MERTK: variants seen among roughly 807,000 people sequenced by gnomAD.
MERTK encodes MER proto-oncogene, tyrosine kinase.
MERTK carries 69 observed loss-of-function variants against 99.3 expected under a neutral mutation model. The observed-to-expected ratio is 0.70, with a 90% CI of 0.57 to 0.85. MERTK has a LOEUF of 0.85. MERTK is among the 40% of genes least tolerant of loss of function. The pLI is 0.00. For synonymous variants in MERTK, 426 were observed against 467.6 expected (o/e 0.91, Z 1.15); for missense variants, 1,125 against 1,249.4 (o/e 0.90, Z 1.50).
chr2:111,902,788 T>TCCTCCCTC (rs199908686), intron 1 of MERTK, among the ~76,000 whole-genome samples: 4 of 51,056 alleles, frequency 7.8e-5, no homozygotes, highest in African/African-American at 1.2e-4. Context: ...CTTCCTTCCT[T>TCCTCCCTC]CCTCCCTCCC....
chr2:111,912,064 G>A (rs1211523486), intron 1 of MERTK, among the ~76,000 whole-genome samples: 1 of 151,634 alleles, frequency 6.6e-6, no homozygotes, highest in South Asian at 2.1e-4. Flanking sequence ...GTGCAGTGGT[G>A]CGATCTCGGC....
At chr2:111,951,522 C>CATATATATAGATATATAT (rs1685054211) in intron 4 of MERTK, among the ~76,000 whole-genome samples, 1 of 85,870 alleles carries the variant, frequency 1.2e-5, no homozygotes, top group Non-Finnish European at 2.5e-5. Context: ...ATAATATTCC[C>CATATATATAGATATATAT]ATATATATAT....
chr2:111,941,727 G>T (rs948054775), intron 2 of MERTK, among the ~76,000 whole-genome samples: 1 of 151,882 alleles, frequency 6.6e-6, no homozygotes, highest in African/African-American at 2.4e-5. Context: ...GAAAATCTTT[G>T]CTGTAATATA....
intron 5 of MERTK, among the ~76,000 whole-genome samples, chr2:111,967,769 ACT>A (rs1248186810): frequency 6.6e-6 from 1 of 152,040 alleles, no homozygotes; most frequent in Non-Finnish European, 1.5e-5. Context: ...CAGGGCTATG[ACT>A]CTGTCTCTGT....
intron 3 of MERTK, among the ~76,000 whole-genome samples, 190 bp downstream of exon 3, chr2:111,945,250 A>C (rs552461794): frequency 2.6e-5 from 4 of 152,366 alleles, no homozygotes; most frequent in African/African-American, 9.6e-5. Flanking sequence ...TAATGAAATG[A>C]ATTCAATTCC....
Position 111,913,775 on chromosome 2 carries a change from C to A in MERTK, c.61+14979C>A, listed in dbSNP as rs112466769. ...TTTTGGCCAGGCTGGTGTTGAACTC[C>A]TGACTTCAGGTGATCCACCCACCTC... is the stretch of plus-strand genomic sequence containing the variant. On this transcript the variant is annotated intron_variant, in intron 1 of 18. Coordinates refer to ENST00000295408, the MANE Select transcript of MERTK (RefSeq NM_006343.3). 4.6e-5 allele frequency among the ~76,000 whole-genome samples: 7 copies of A among 152,294 alleles called. No individual in the cohort carries two copies. In the East Asian group the frequency reaches 1.4e-3, roughly 29 times the overall value.
At chr2:111,904,972 T>A (rs1390179689) in intron 1 of MERTK, among the ~76,000 whole-genome samples, 1 of 152,146 alleles carries the variant, frequency 6.6e-6, no homozygotes, top group Non-Finnish European at 1.5e-5. Flanking sequence ...TTAAACCAGT[T>A]CCCTCTCTTT....
chr2:111,963,632 A>C lies in MERTK; in HGVS notation c.758-1559A>C, dbSNP rs62162473. ...ATCTTGCACAGCCCTTAATCCATTT[A>C]ACCCTGAGTTGACACAGCACATGTT... is the stretch of plus-strand genomic sequence containing the variant. On this transcript the variant is annotated intron_variant, in intron 4 of 18. Transcript: ENST00000295408. Among the ~76,000 whole-genome samples the C allele has an allele frequency of 8.9e-3, 1,349 of 152,336 alleles. 9 individuals are homozygous for C. Among genetic ancestry groups the C allele is most frequent in the Non-Finnish European group, 0.015 (1,007 of 68,032 alleles).
chr2:111,908,322 T>C (rs1684177753), intron 1 of MERTK, among the ~76,000 whole-genome samples: 1 of 152,162 alleles, frequency 6.6e-6, no homozygotes, highest in South Asian at 2.1e-4. Context: ...AGCTACTCTT[T>C]ATACTCACAT....
At chr2:112,022,615 C>A (rs751468462) in intron 18 of MERTK, 7 of 785,254 alleles carry the variant, frequency 8.9e-6, no homozygotes, top group African/African-American at 3.4e-5. Context: ...GCTCACTCAT[C>A]CAAAGGGCCT....
intron 1 of MERTK, among the ~76,000 whole-genome samples, chr2:111,919,152 G>C (rs1274663253): frequency 2.0e-5 from 3 of 152,076 alleles, no homozygotes; most frequent in African/African-American, 7.2e-5. Context: ...CACCTCTCCT[G>C]CAGCCTCCTC....
intron 4 of MERTK, among the ~76,000 whole-genome samples, chr2:111,961,915 TTC>T (rs1685258953): frequency 6.6e-6 from 1 of 152,258 alleles, no homozygotes; most frequent in African/African-American, 2.4e-5. Context: ...GGAACAGCTT[TTC>T]TAGGCTGATG....
chr2:112,016,980 A>G (rs930261418), intron 15 of MERTK, among the ~76,000 whole-genome samples: 1 of 152,192 alleles, frequency 6.6e-6, no homozygotes, highest in Non-Finnish European at 1.5e-5. Context: ...GCTCTTAAAG[A>G]TGGCATGGAC....
intron 8 of MERTK, among the ~76,000 whole-genome samples, chr2:111,992,118 G>A (rs1676632731): frequency 6.6e-6 from 1 of 152,160 alleles, no homozygotes; most frequent in Admixed American, 6.5e-5. Context: ...TCACATTTCG[G>A]AAGGAGTCCT....
chr2:112,015,864 T>C, intron 15 of MERTK: 1 of 154,506 alleles, frequency 6.5e-6, no homozygotes, highest in Middle Eastern at 5.2e-4. Flanking sequence ...AGATTTAGTT[T>C]AAGGTTTGCT....
At chr2:111,904,844 C>T (rs1378144424) in intron 1 of MERTK, among the ~76,000 whole-genome samples, 1 of 152,190 alleles carries the variant, frequency 6.6e-6, no homozygotes, top group Non-Finnish European at 1.5e-5. Context: ...CAGGTGCACT[C>T]CTGGCTTCTG....
chr2:111,942,643 G>A (rs1003689258), intron 2 of MERTK, among the ~76,000 whole-genome samples: 2 of 152,122 alleles, frequency 1.3e-5, no homozygotes, highest in African/African-American at 2.4e-5. Context: ...TGATCCCTGG[G>A]ACCTCCCCCA....
At position 112,003,183 on chromosome 2, in the gene MERTK, T is replaced by TG. The variant is rs1337364058; in HGVS notation, c.1783dup (p.Glu595GlyfsTer13). ...TTCTAATTCTTGGAAAAATTCTGGG[T>TG]GAAGGTAAGCAATTTAAAGTAATTC... On this transcript the variant is annotated frameshift_variant, in exon 12 of 19. Coordinates refer to ENST00000295408, the MANE Select transcript of MERTK (RefSeq NM_006343.3). LOFTEE classifies it high-confidence loss of function. The TG allele has an allele frequency of 1.3e-6, 2 of 1,518,620 alleles. No homozygotes were observed. The highest frequency in any genetic ancestry group is 1.8e-6 in the Non-Finnish European group (2 of 1,093,648). The allele number at this position is 1,518,620 out of a possible 1,614,324, so 94.1% of individuals were successfully genotyped here. A position where few individuals can be genotyped will look rare whatever the true frequency, so the allele number is the denominator to read the frequency against.
chr2:111,954,215 G>A (rs950913033), intron 4 of MERTK, among the ~76,000 whole-genome samples: 2 of 152,174 alleles, frequency 1.3e-5, no homozygotes, highest in African/African-American at 2.4e-5. Flanking sequence ...ACCTGCAAAG[G>A]CACCTGCTTG....
Sources: gnomAD v4.1 joint callset for allele counts (sites outside exome capture counted in the v4.1 genomes callset) on GRCh38, gnomAD v4.1.1 for gene constraint, MANE v1.5 for transcripts, NCBI Gene and HGNC (gene_info 2026-07-23, HGNC 2026-07-21) for gene names.